Variants in MFHAS1 observed in about 807,000 individuals in gnomAD.
MFHAS1 encodes multifunctional ROCO family signaling regulator 1.
A neutral mutation model predicts 70.4 loss-of-function variants in MFHAS1; 50 were observed. The observed-to-expected ratio is 0.71, with a 90% CI of 0.57 to 0.90. MFHAS1 has a LOEUF of 0.90. MFHAS1 is among the 40% of genes least tolerant of loss of function. MFHAS1 has a pLI of 0.00. For missense variants in MFHAS1, 1,795 were observed against 1,347.6 expected (o/e 1.33, Z -5.20); for synonymous variants, 952 against 620.0 (o/e 1.54, Z -7.96).
intron 1 of MFHAS1, among the ~76,000 whole-genome samples, chr8:8,835,532 A>C (rs527974520): frequency 6.6e-6 from 1 of 152,340 alleles, no homozygotes; most frequent in African/African-American, 2.4e-5. Context: ...TGTTTCTACA[A>C]GGAAATGAAA....
At chr8:8,883,622 C>G (rs1417111055) in intron 1 of MFHAS1, among the ~76,000 whole-genome samples, 1 of 144,358 alleles carries the variant, frequency 6.9e-6, no homozygotes, top group Non-Finnish European at 1.5e-5. Context: ...GCAGGAGAAT[C>G]ACTTGAACCC....
intron 1 of MFHAS1, among the ~76,000 whole-genome samples, chr8:8,879,892 C>A (rs1231281911): frequency 2.0e-5 from 3 of 152,338 alleles, no homozygotes; most frequent in South Asian, 4.1e-4. Context: ...GCCACCATCA[C>A]CACCCGCTGC....
chr8:8,866,723 G>A (rs1425837232), intron 1 of MFHAS1, among the ~76,000 whole-genome samples: 1 of 152,128 alleles, frequency 6.6e-6, no homozygotes, highest in Non-Finnish European at 1.5e-5. Context: ...AACAGTGATT[G>A]ACTCACTTAT....
At chr8:8,886,733 G>A (rs1563221313) in intron 1 of MFHAS1, among the ~76,000 whole-genome samples, 1 of 152,080 alleles carries the variant, frequency 6.6e-6, no homozygotes, top group Non-Finnish European at 1.5e-5. Context: ...TTTCAGCGTT[G>A]CATATAAAAT....
At position 8,785,555 on chromosome 8, in the gene MFHAS1, A is replaced by G. The variant is rs1805511364; in HGVS notation, c.*467T>C. On this transcript the variant is annotated 3_prime_UTR_variant, in exon 3 of 3. Coordinates refer to ENST00000276282, the MANE Select transcript of MFHAS1 (RefSeq NM_004225.3). The stretch of plus-strand genomic sequence containing the variant: ...TGTATAAATTTAAATGTATTTGCAT[A>G]TTATAAAAATAAAGATAAACATATA... 1.3e-5 allele frequency: 2 copies of G among 156,258 alleles called. No individual in the cohort carries two copies. Among genetic ancestry groups the G allele is most frequent in the Non-Finnish European group, 1.4e-5 (1 of 70,228 alleles). 9.7% of individuals were successfully genotyped at this position (156,258 alleles called of 1,614,324 possible).
intron 1 of MFHAS1, among the ~76,000 whole-genome samples, chr8:8,835,871 T>A (rs1807576647): frequency 6.6e-6 from 1 of 152,222 alleles, no homozygotes; most frequent in South Asian, 2.1e-4. Context: ...AAATAAAGTT[T>A]TATTGGAACT....
At chr8:8,849,887 T>C (rs747712629) in intron 1 of MFHAS1, among the ~76,000 whole-genome samples, 3 of 152,128 alleles carry the variant, frequency 2.0e-5, no homozygotes, top group Non-Finnish European at 4.4e-5. Context: ...TTTAAGAAAA[T>C]GTACTTTCCT....
At chr8:8,878,211 G>T (rs1326794471) in intron 1 of MFHAS1, among the ~76,000 whole-genome samples, 1 of 152,180 alleles carries the variant, frequency 6.6e-6, no homozygotes, top group Non-Finnish European at 1.5e-5. Context: ...AGGGAGAGGA[G>T]GTGAGCTGGT....
At chr8:8,797,613 G>T in intron 1 of MFHAS1, 122 bp from the exon 2 acceptor site, 1 of 1,126,968 alleles carries the variant, frequency 8.9e-7, no homozygotes, top group Non-Finnish European at 1.2e-6. Flanking sequence ...AGCAACGAAG[G>T]ATGTGAGAAC....
intron 1 of MFHAS1, among the ~76,000 whole-genome samples, chr8:8,801,047 C>A (rs1316354765): frequency 6.6e-6 from 1 of 152,104 alleles, no homozygotes; most frequent in African/African-American, 2.4e-5. Context: ...AACCCCGCCT[C>A]TACTAAAAAT....
At chr8:8,803,988 A>C (rs1806185168) in intron 1 of MFHAS1, among the ~76,000 whole-genome samples, 1 of 152,146 alleles carries the variant, frequency 6.6e-6, no homozygotes, top group African/African-American at 2.4e-5. Flanking sequence ...CTAAACTAAA[A>C]TAAAATAAAG....
At position 8,892,790 on chromosome 8, in the gene MFHAS1, C is replaced by A. The variant is rs1203588258; in HGVS notation, c.269G>T (p.Arg90Leu). Residue 90 changes from arginine (R) to leucine (L), a missense_variant, in exon 1 of 3, where the codon CGC (arginine) becomes CTC (leucine). Physicochemically the swap from Arg to Leu is moderately radical, Grantham distance 102 (BLOSUM62 -2). Coordinates refer to ENST00000276282, the MANE Select transcript of MFHAS1 (RefSeq NM_004225.3). The surrounding 1 kb of genome is among the most constrained non-coding windows in gnomAD (Gnocchi z 4.7). ...EGLGSALGSL[R>L]VLVLRRNRFA... is the part of the protein sequence containing the mutation. The stretch of plus-strand genomic sequence containing the variant: ...GCGGTTCCTGCGCAGGACCAGGACG[C>A]GCAGGCTGCCCAGCGCCGACCCCAG... The A allele has an allele frequency of 6.3e-7, 1 of 1,584,634 alleles. No homozygotes were observed. Among genetic ancestry groups the A allele is most frequent in the Non-Finnish European group, 8.6e-7 (1 of 1,166,044 alleles).
In MFHAS1 at chr8:8,788,094, C is replaced by G. The variant is rs79028686; in HGVS notation, c.3126-2039G>C. Among the ~76,000 whole-genome samples the G allele has an allele frequency of 4.4e-3, 674 of 152,326 alleles. 3 individuals carry two copies. Among genetic ancestry groups the G allele is most frequent in the African/African-American group, 0.015 (640 of 41,574 alleles). The stretch of plus-strand genomic sequence containing the variant: ...CTTTCTTCCCTGTGCTTACAAGACT[C>G]TGTTCATACACCTATCATGGCAGGT... On this transcript the variant is annotated intron_variant, in intron 2 of 2. Coordinates refer to ENST00000276282, the MANE Select transcript of MFHAS1 (RefSeq NM_004225.3).
rs780630512 is a variant in MFHAS1 at position 8,893,026 on chromosome 8, G to C, written c.33C>G (p.Thr11=). 2 of 1,534,954 alleles carry C rather than the reference G, an allele frequency of 1.3e-6. No individual in the cohort carries two copies. The highest frequency in any genetic ancestry group is 1.4e-5 in the African/African-American group (1 of 70,248). The change falls in exon 1 of 3, where the codon ACC becomes ACG. Residue 11 remains threonine (T), a synonymous_variant. Transcript: ENST00000276282. The part of the protein sequence containing the change: MAGMDSGNLK[T]ARLWRDAALR... The stretch of plus-strand genomic sequence containing the variant: ...GGGCGGCGTCCCGCCACAGCCTCGC[G>C]GTCTTCAGGTTGCCACTGTCCATCC...
chr8:8,882,092 C>T (rs894508287), intron 1 of MFHAS1, among the ~76,000 whole-genome samples: 3 of 151,944 alleles, frequency 2.0e-5, no homozygotes, highest in African/African-American at 7.3e-5. Context: ...AGATAAAGAA[C>T]ATCACAGGCC....
chr8:8,826,533 G>C (rs912526808), intron 1 of MFHAS1, among the ~76,000 whole-genome samples: 5 of 152,286 alleles, frequency 3.3e-5, no homozygotes, highest in Admixed American at 3.3e-4. Context: ...ACGAGTTCAA[G>C]ACCTGCCTGG....
intron 1 of MFHAS1, among the ~76,000 whole-genome samples, chr8:8,838,978 C>G (rs1807705766): frequency 6.6e-6 from 1 of 152,148 alleles, no homozygotes; most frequent in South Asian, 2.1e-4. Context: ...TTGCTCCACT[C>G]TATACATGTG....
At chr8:8,872,884 T>G (rs2116912685) in intron 1 of MFHAS1, among the ~76,000 whole-genome samples, 1 of 152,258 alleles carries the variant, frequency 6.6e-6, no homozygotes, top group East Asian at 1.9e-4. Flanking sequence ...TTCAGAGGCT[T>G]AACAAATACA....
At chr8:8,791,448 G>A (rs1161258119) in intron 2 of MFHAS1, among the ~76,000 whole-genome samples, 1 of 152,166 alleles carries the variant, frequency 6.6e-6, no homozygotes, top group African/African-American at 2.4e-5. Context: ...GATAAACTGG[G>A]TTATCTGGCA....
Sources: allele counts gnomAD v4.1 joint callset (sites outside exome capture counted in the v4.1 genomes callset), GRCh38; gene constraint gnomAD v4.1.1; non-coding constraint Gnocchi (gnomAD v3.1); transcripts MANE v1.5; gene names NCBI Gene and HGNC (gene_info 2026-07-23, HGNC 2026-07-21).